DARS2: variants seen among roughly 807,000 people sequenced by gnomAD.
DARS2 encodes aspartyl-tRNA synthetase 2, mitochondrial, also known as aspartate--tRNA ligase, mitochondrial.
A neutral mutation model predicts 83.0 loss-of-function variants in DARS2; 63 were observed. The ratio of observed to expected loss-of-function variants is 0.76; its 90% CI spans 0.62 to 0.94. The LOEUF is 0.94. DARS2 is among the 40% of genes least tolerant of loss of function. The probability of loss-of-function intolerance (pLI) is 0.00; values close to 1 mark genes in which losing one functional copy is unlikely to be tolerated. For missense variants in DARS2, 675 were observed against 774.4 expected (o/e 0.87, Z 1.52); for synonymous variants, 250 against 269.3 (o/e 0.93, Z 0.70).
chr1:173,844,071 T>A (rs1412934364), intron 11 of DARS2, among the ~76,000 whole-genome samples: 2 of 152,198 alleles, frequency 1.3e-5, no homozygotes, highest in East Asian at 3.8e-4. Context: ...AGTTCTCACA[T>A]AGGGGATCTG....
chr1:173,853,766 C>A, intron 14 of DARS2, 29 bp from the exon 15 acceptor site: 2 of 1,594,816 alleles, frequency 1.3e-6, no homozygotes, highest in South Asian at 1.1e-5. Context: ...GACATTTTCT[C>A]TAACATAAAG....
At chr1:173,826,038 CG>C (rs1652533259) in intron 1 of DARS2, among the ~76,000 whole-genome samples, 1 of 150,522 alleles carries the variant, frequency 6.6e-6, no homozygotes, top group Non-Finnish European at 1.5e-5. Context: ...CTGGCTAACA[CG>C]GTGAAACCCC....
At chr1:173,832,313 A>G (rs1652821388) in intron 5 of DARS2, among the ~76,000 whole-genome samples, 1 of 152,182 alleles carries the variant, frequency 6.6e-6, no homozygotes, top group African/African-American at 2.4e-5. Context: ...TAAGTTCTCA[A>G]TACTTAATTA....
chr1:173,852,208 CAT>C, intron 13 of DARS2: 1 of 985,412 alleles, frequency 1.0e-6, no homozygotes, highest in Non-Finnish European at 1.2e-6. Context: ...TGTCTCTAGG[CAT>C]ATGTCACTGT....
At chr1:173,834,367 T>G in intron 6 of DARS2, 106 bp from the exon 7 acceptor site, 1 of 868,598 alleles carries the variant, frequency 1.2e-6, no homozygotes, top group African/African-American at 1.7e-5. Flanking sequence ...CAGCTAAAAT[T>G]CTTAATTAAA....
chr1:173,853,997 T>G, intron 15 of DARS2, 92 bp downstream of exon 15: 2 of 1,138,014 alleles, frequency 1.8e-6, no homozygotes, highest in Non-Finnish European at 2.6e-6. Flanking sequence ...GTTTGTTTTG[T>G]TTTTGAGACA....
intron 11 of DARS2, among the ~76,000 whole-genome samples, chr1:173,844,628 C>A (rs930119230): frequency 8.3e-6 from 1 of 120,626 alleles, no homozygotes; most frequent in Non-Finnish European, 1.6e-5. Flanking sequence ...TGAGATCACG[C>A]CACTGTACTC....
At chr1:173,839,841 A>T (rs576432046) in intron 10 of DARS2, among the ~76,000 whole-genome samples, 2 of 152,200 alleles carry the variant, frequency 1.3e-5, no homozygotes, top group Non-Finnish European at 2.9e-5. Flanking sequence ...AGAAAAAATA[A>T]CTATTCTTTC....
At chr1:173,828,510 T>A in intron 3 of DARS2, 111 bp downstream of exon 3, 1 of 1,019,058 alleles carries the variant, frequency 9.8e-7, no homozygotes, top group Non-Finnish European at 1.5e-6. Flanking sequence ...AGTTTATTGT[T>A]AATGAAAACT....
chr1:173,829,486 T>TA (rs1203559678), intron 3 of DARS2, among the ~76,000 whole-genome samples: 1 of 151,978 alleles, frequency 6.6e-6, no homozygotes, highest in Non-Finnish European at 1.5e-5. Flanking sequence ...TTTTTTTAAT[T>TA]AAAAAATTCA....
intron 13 of DARS2, 124 bp from the exon 14 acceptor site, chr1:173,853,225 G>GCATC: frequency 1.1e-6 from 1 of 900,938 alleles, no homozygotes; most frequent in South Asian, 1.3e-5. Context: ...GAAGCAAAGG[G>GCATC]CATCCTATCT....
intron 12 of DARS2, among the ~76,000 whole-genome samples, chr1:173,847,295 AC>A (rs1454907577): frequency 2.6e-5 from 4 of 152,176 alleles, no homozygotes; most frequent in African/African-American, 9.6e-5. Flanking sequence ...AAAATTGGCA[AC>A]CCTTTATCTT....
At chr1:173,831,656 T>G in intron 5 of DARS2, 26 bp downstream of exon 5, 1 of 1,527,284 alleles carries the variant, frequency 6.5e-7, no homozygotes, top group Non-Finnish European at 9.1e-7. Flanking sequence ...ATTAATAAAA[T>G]AGAGTATCTA....
In DARS2 at chr1:173,839,849, TTCCTTTTCAGTTTTTTTTTTAA is replaced by T. The variant is rs146745918; in HGVS notation, c.1020+307_1020+328del. 1.3e-3 allele frequency among the ~76,000 whole-genome samples: 202 copies of T among 152,342 alleles called. 1 individual carries two copies. The highest frequency in any genetic ancestry group is 4.6e-3 in the African/African-American group (193 of 41,582). ...ACTTGAAAGAAAAAATAACTATTCT[TTCCTTTTCAGTTTTTTTTTTAA>T]TCCAAGGAGTTACTAAGTTTCCTTG... On this transcript the variant is annotated intron_variant, in intron 10 of 16. Transcript: ENST00000649689.
rs1652904299 is a variant in DARS2, at chr1:173,834,517, G to C, written c.661G>C (p.Gly221Arg). 6.2e-7 allele frequency: 1 copy of C among 1,603,542 alleles called. No homozygotes were observed. The highest frequency in any genetic ancestry group is 8.5e-7 in the Non-Finnish European group (1 of 1,170,736). Residue 221 changes from glycine to arginine, a missense_variant and splice_region_variant, in exon 7 of 17, where the codon GGG becomes CGG. Transcript: ENST00000649689. ...ETPTLFKRTP[G>R]GAKEFLVPSR... is the part of the protein sequence containing the mutation. The stretch of plus-strand genomic sequence containing the variant: ...CCCCACATTGTTTAAGAGGACCCCA[G>C]GGGTATGTATATTCCTTCAATCAGT...
chr1:173,844,669 C>CAAAAAAAAAAAAAA (rs549839808), intron 11 of DARS2, among the ~76,000 whole-genome samples: 7 of 29,928 alleles, frequency 2.3e-4, no homozygotes, highest in Admixed American at 8.4e-4. Context: ...GACTCCATCG[C>CAAAAAAAAAAAAAA]AAAAAAAAAA....
At chr1:173,826,078 G>A (rs1035859825) in intron 1 of DARS2, among the ~76,000 whole-genome samples, 1 of 151,708 alleles carries the variant, frequency 6.6e-6, no homozygotes, top group Non-Finnish European at 1.5e-5. Flanking sequence ...AAAAAAATTA[G>A]CCGGGCGTGG....
intron 7 of DARS2, among the ~76,000 whole-genome samples, chr1:173,834,742 T>TTG (rs1652925128): frequency 5.3e-5 from 7 of 132,052 alleles, no homozygotes; most frequent in African/African-American, 2.0e-4. Flanking sequence ...GTTTTTTTTT[T>TTG]TTTTTTTTTT....
chr1:173,827,492 G>A (rs780159901), intron 2 of DARS2, among the ~76,000 whole-genome samples: 9 of 152,134 alleles, frequency 5.9e-5, no homozygotes, highest in Non-Finnish European at 1.0e-4. Flanking sequence ...TTCGCCAGGC[G>A]GGGTGATGCT....
Sources: allele counts gnomAD v4.1 joint callset (sites outside exome capture counted in the v4.1 genomes callset), GRCh38; gene constraint gnomAD v4.1.1; transcripts MANE v1.5; gene names NCBI Gene and HGNC (gene_info 2026-07-23, HGNC 2026-07-21).